MID1: variants seen among roughly 807,000 people sequenced by gnomAD.
MID1 encodes E3 ubiquitin-protein ligase Midline-1.
In MID1, 7 loss-of-function variants were observed where a neutral mutation model predicts 40.4. That is an observed-to-expected ratio of 0.17 (90% CI 0.10 to 0.33). The LOEUF (loss-of-function observed/expected upper bound fraction) is 0.33, where lower values mean the gene tolerates loss of function less well. Among genes scored for constraint, MID1 ranks in the 10% least tolerant of loss-of-function variants. The pLI is 1.00. For synonymous variants in MID1, 229 were observed against 221.2 expected (o/e 1.04, Z -0.31); for missense variants, 367 against 558.5 (o/e 0.66, Z 3.46).
chrX:10,782,478 A>C (rs888669173), intron 1 of MID1, among the ~76,000 whole-genome samples: 9 of 111,890 alleles, frequency 8.0e-5, no homozygotes, highest in Non-Finnish European at 1.7e-4. Context: ...TACCAACAGC[A>C]TGAAGTGCAG....
At chrX:10,501,707 G>T in intron 3 of MID1, 2 of 468,588 alleles carry the variant, frequency 4.3e-6, no homozygotes, top group Non-Finnish European at 7.0e-6. Flanking sequence ...ATAATCAGTT[G>T]CAGTCCCATG....
At chrX:10,610,959 T>C (rs1935726356) in intron 1 of MID1, among the ~76,000 whole-genome samples, 1 of 112,372 alleles carries the variant, frequency 8.9e-6, no homozygotes. Context: ...GGTTTGGTTA[T>C]GCTCTGAAGA....
intron 1 of MID1, among the ~76,000 whole-genome samples, chrX:10,569,487 C>T (rs139384530): frequency 3.7e-4 from 42 of 112,052 alleles, no homozygotes; most frequent in Non-Finnish European, 5.8e-4. Flanking sequence ...AAGGTTTTTA[C>T]CTATTAATAA....
At chrX:10,635,096 G>A (rs1936094963) in intron 1 of MID1, among the ~76,000 whole-genome samples, 1 of 112,113 alleles carries the variant, frequency 8.9e-6, no homozygotes, top group African/African-American at 3.2e-5. Flanking sequence ...ATTACTCATG[G>A]GCAAATGGCT....
At chrX:10,813,372 G>A (rs968509590) in intron 1 of MID1, among the ~76,000 whole-genome samples, 3 of 111,401 alleles carry the variant, frequency 2.7e-5, no homozygotes, top group Non-Finnish European at 5.6e-5. Context: ...ACTTGACATA[G>A]GAGTTCATTA....
chrX:10,760,044 T>C lies in MID1; in HGVS notation c.-187+73510A>G, dbSNP rs369537904. Among the ~76,000 whole-genome samples the C allele has an allele frequency of 2.1e-4, 23 of 111,686 alleles. No homozygotes were observed. In the East Asian group the frequency reaches 4.0e-3, roughly 19 times the overall value. ...ATAAACTTTGTTGATGAAATCCTCA[T>C]ACCGTTCTGAGAAGCATTTTTTCCA... On this transcript the variant is annotated intron_variant, in intron 1 of 10. Transcript: ENST00000380785.
rs1358406903 is a variant in MID1 at position 10,753,219 on chromosome X, T to C, written c.-187+80335A>G. Among the ~76,000 whole-genome samples, 3 of 111,951 alleles carry C rather than the reference T, an allele frequency of 2.7e-5. No homozygotes were observed. The South Asian group carries it at 1.1e-3, about 42-fold the overall frequency. The stretch of plus-strand genomic sequence containing the variant: ...AACTGGGAGGATGAACAGTATGCTA[T>C]GTGCTGATTTGGCTGAAAAGACTGT... On this transcript the variant is annotated intron_variant, in intron 1 of 10. Coordinates refer to the MID1 transcript ENST00000380785.
chrX:10,832,451 A>T (rs1213705606), intron 1 of MID1, among the ~76,000 whole-genome samples: 1 of 112,323 alleles, frequency 8.9e-6, no homozygotes, highest in Non-Finnish European at 1.9e-5. Context: ...TAATATCAGA[A>T]ATCTGAAATT....
intron 1 of MID1, among the ~76,000 whole-genome samples, chrX:10,778,177 G>A (rs1465574339): frequency 2.7e-5 from 3 of 110,863 alleles, no homozygotes; most frequent in African/African-American, 9.9e-5. Flanking sequence ...ACTTCTATAC[G>A]ACTGGCAGTA....
At position 10,605,901 on chromosome X, in the gene MID1, G is replaced by A. The variant is rs967981102; in HGVS notation, c.-57+14389C>T. 4.5e-5 allele frequency among the ~76,000 whole-genome samples: 5 copies of A among 110,861 alleles called. No homozygotes were observed. In the East Asian group the frequency reaches 8.5e-4, roughly 19 times the overall value. ...TTCCTCTAGAAATAGTGATACCTCC[G>A]GTCACTTTATAAATCTCTATTCCTG... On this transcript the variant is annotated intron_variant, in intron 1 of 9. Coordinates refer to ENST00000317552, the MANE Select transcript of MID1 (RefSeq NM_000381.4).
At chrX:10,621,295 G>A, upstream of MID1, among the ~76,000 whole-genome samples, 1 of 111,953 alleles carries the variant, frequency 8.9e-6, no homozygotes, top group Middle Eastern at 4.7e-3. Flanking sequence ...CTTATTAACA[G>A]GGACAAGCTG....
intron 6 of MID1, among the ~76,000 whole-genome samples, chrX:10,470,211 C>T (rs1022367100): frequency 1.8e-5 from 2 of 112,144 alleles, no homozygotes; most frequent in African/African-American, 6.5e-5. Context: ...TCAGTAAAGG[C>T]CTTGATGGTA....
intron 1 of MID1, among the ~76,000 whole-genome samples, chrX:10,646,441 T>C (rs1936262445): frequency 9.0e-6 from 1 of 111,210 alleles, no homozygotes; most frequent in African/African-American, 3.3e-5. Context: ...GGAAAGGAGG[T>C]ATAACAGAGA....
chrX:10,683,453 G>A (rs2043072560), intron 1 of MID1, among the ~76,000 whole-genome samples: 1 of 110,897 alleles, frequency 9.0e-6, no homozygotes, highest in African/African-American at 3.3e-5. Flanking sequence ...GAGGTGGGAG[G>A]ATCGCTTGAG....
intron 2 of MID1, among the ~76,000 whole-genome samples, chrX:10,533,366 A>AAGAAAGAAAGAAAGAAAG (rs1933075906): frequency 1.2e-5 from 1 of 86,538 alleles, no homozygotes; most frequent in African/African-American, 4.5e-5. Context: ...GAAAGAAAGA[A>AAGAAAGAAAGAAAGAAAG]AGAAAGAAAG....
chrX:10,673,109 A>C (rs1160125593), intron 1 of MID1, among the ~76,000 whole-genome samples: 4 of 112,077 alleles, frequency 3.6e-5, no homozygotes, highest in Non-Finnish European at 7.5e-5. Context: ...GAATGACTAT[A>C]CTATGAGAGT....
chrX:10,798,162 A>G (rs2043979714), intron 1 of MID1, among the ~76,000 whole-genome samples: 1 of 112,170 alleles, frequency 8.9e-6, no homozygotes, highest in Non-Finnish European at 1.9e-5. Flanking sequence ...TTCTCTTTTC[A>G]GAGCAATTAT....
At chrX:10,687,122 C>T (rs1244944067) in intron 1 of MID1, among the ~76,000 whole-genome samples, 4 of 111,699 alleles carry the variant, frequency 3.6e-5, no homozygotes, top group Non-Finnish European at 5.6e-5. Flanking sequence ...TTTGCAGCTC[C>T]GGTGTTTTAC....
rs945830012 is a variant in MID1, at chrX:10,505,603, T to A, written c.757-9912A>T. On this transcript the variant is annotated intron_variant, in intron 3 of 9. Coordinates refer to ENST00000317552, the MANE Select transcript of MID1 (RefSeq NM_000381.4). Reference sequence around the variant, plus strand: ...CTGAAAAGTAGCGATTTCTATTAAATAATTTTCAACAAATGTGTTTGGCAT... The same window carrying A: ...CTGAAAAGTAGCGATTTCTATTAAAAAATTTTCAACAAATGTGTTTGGCAT... 5.3e-6 allele frequency: 4 copies of A among 752,640 alleles called. No homozygotes were observed. The Admixed American group carries it at 3.5e-4, about 66-fold the overall frequency. 62.0% of individuals were successfully genotyped at this position (752,640 alleles called of 1,213,427 possible).
Sources: allele counts gnomAD v4.1 joint callset (sites outside exome capture counted in the v4.1 genomes callset), GRCh38; gene constraint gnomAD v4.1.1; transcripts MANE v1.5; gene names NCBI Gene and HGNC (gene_info 2026-07-23, HGNC 2026-07-21).